RAP1GDS1: variants seen among roughly 807,000 people sequenced by gnomAD.
RAP1GDS1 encodes the protein RAP1, GTP-GDP dissociation stimulator 1.
In RAP1GDS1, 35 loss-of-function variants were observed where a neutral mutation model predicts 71.1. The observed-to-expected ratio is 0.49, with a 90% CI of 0.38 to 0.65. RAP1GDS1 has a LOEUF of 0.65. Ranked by LOEUF, RAP1GDS1 falls within the 30% of genes least tolerant of loss-of-function variation. The pLI, the probability that RAP1GDS1 is intolerant of heterozygous loss-of-function variation, is 0.00. For missense variants in RAP1GDS1, 663 were observed against 706.1 expected, an observed-to-expected ratio of 0.94 and a Z score of 0.69; for synonymous variants, 229 against 243.1, an observed-to-expected ratio of 0.94 and a Z score of 0.54.
chr4:98,295,258 G>C (rs532661331), intron 2 of RAP1GDS1, among the ~76,000 whole-genome samples: 1 of 152,068 alleles, frequency 6.6e-6, no homozygotes, highest in Non-Finnish European at 1.5e-5. Flanking sequence ...GTGAAATTGT[G>C]TATCACAAAA....
chr4:98,338,453 TAAGTC>T (rs1234649908), intron 2 of RAP1GDS1, among the ~76,000 whole-genome samples: 1 of 152,180 alleles, frequency 6.6e-6, no homozygotes, highest in Non-Finnish European at 1.5e-5. Flanking sequence ...AGCATAGGGC[TAAGTC>T]TCTTTGTTAC....
chr4:98,294,603 G>T (rs1051911426), intron 2 of RAP1GDS1, among the ~76,000 whole-genome samples: 1 of 152,070 alleles, frequency 6.6e-6, no homozygotes, highest in Non-Finnish European at 1.5e-5. Flanking sequence ...GAACGTCTAA[G>T]CCTGCTATCC....
At chr4:98,341,335 A>T (rs1423080767) in intron 2 of RAP1GDS1, among the ~76,000 whole-genome samples, 1 of 152,222 alleles carries the variant, frequency 6.6e-6, no homozygotes, top group East Asian at 1.9e-4. Context: ...CTATTCTCCC[A>T]GTTCACTGGA....
intron 3 of RAP1GDS1, among the ~76,000 whole-genome samples, chr4:98,343,694 G>T (rs1735824991): frequency 6.6e-6 from 1 of 152,048 alleles, no homozygotes; most frequent in Non-Finnish European, 1.5e-5. Context: ...AGTATAGTTG[G>T]AATATACGTT....
chr4:98,418,590 A>T, intron 9 of RAP1GDS1, 67 bp from the exon 10 acceptor site: 1 of 1,353,232 alleles, frequency 7.4e-7, no homozygotes, highest in Admixed American at 2.5e-5. Flanking sequence ...ATAGCCAGAC[A>T]TCAGTATTAT....
chr4:98,365,152 T>C (rs1056221362), intron 4 of RAP1GDS1, among the ~76,000 whole-genome samples: 1 of 152,208 alleles, frequency 6.6e-6, no homozygotes, highest in African/African-American at 2.4e-5. Flanking sequence ...ATAAAGGATG[T>C]TCAGATTTGA....
At chr4:98,285,935 A>T (rs1022690587) in intron 1 of RAP1GDS1, among the ~76,000 whole-genome samples, 2 of 148,138 alleles carry the variant, frequency 1.4e-5, no homozygotes, top group Admixed American at 1.4e-4. Flanking sequence ...TTATAAATAT[A>T]TTCATATTTA....
chr4:98,319,076 T>C (rs1361175352), intron 2 of RAP1GDS1, among the ~76,000 whole-genome samples: 1 of 152,206 alleles, frequency 6.6e-6, no homozygotes, highest in African/African-American at 2.4e-5. Context: ...CCTCTGTACA[T>C]TAAGTATGTT....
chr4:98,379,172 A>T lies in RAP1GDS1; in HGVS notation c.508+9A>T. On this transcript the variant is annotated intron_variant, in intron 5 of 14. Transcript: ENST00000408927. ...CTATAGCAATGAGAATGGTAAACAAAACTGAAAACTTGCTTTATCTCTGGG... is the reference window on the plus strand; with the variant it reads ...CTATAGCAATGAGAATGGTAAACAATACTGAAAACTTGCTTTATCTCTGGG... 1.3e-6 allele frequency: 2 copies of T among 1,560,586 alleles called. No individual in the cohort carries two copies. Among genetic ancestry groups the T allele is most frequent in the Non-Finnish European group, 1.7e-6 (2 of 1,158,034 alleles).
At chr4:98,417,000 G>A in intron 8 of RAP1GDS1, 112 bp downstream of exon 8, 1 of 1,184,538 alleles carries the variant, frequency 8.4e-7, no homozygotes, top group Non-Finnish European at 1.2e-6. Flanking sequence ...TATCTCACCT[G>A]CTATTGAGGT....
chr4:98,403,685 G>C (rs1745741858), intron 6 of RAP1GDS1, among the ~76,000 whole-genome samples: 1 of 152,162 alleles, frequency 6.6e-6, no homozygotes, highest in African/African-American at 2.4e-5. Context: ...GATAGCCTCA[G>C]GTGAGAATAA....
At chr4:98,274,274 ACT>A (rs3997407) in intron 1 of RAP1GDS1, among the ~76,000 whole-genome samples, 10,022 of 152,130 alleles carry the variant, frequency 0.066, 365 homozygotes, top group Admixed American at 0.13. Flanking sequence ...TCACAATAAA[ACT>A]CTGTAACCAC....
At chr4:98,435,852 A>AC (rs1554006887) in intron 13 of RAP1GDS1, among the ~76,000 whole-genome samples, 1 of 151,802 alleles carries the variant, frequency 6.6e-6, no homozygotes, top group Non-Finnish European at 1.5e-5. Context: ...CGGGTGGATC[A>AC]TGAGGTCAGG....
intron 10 of RAP1GDS1, 94 bp from the exon 11 acceptor site, chr4:98,419,925 G>A (rs1748571727): frequency 5.9e-6 from 7 of 1,192,646 alleles, no homozygotes; most frequent in Admixed American, 5.7e-5. Context: ...ATAAAACATG[G>A]ATCTTAAAGA....
At chr4:98,411,299 G>C (rs1399380590) in intron 7 of RAP1GDS1, among the ~76,000 whole-genome samples, 2 of 152,170 alleles carry the variant, frequency 1.3e-5, no homozygotes, top group African/African-American at 4.8e-5. Flanking sequence ...ATTGTGAGAA[G>C]AGATTATCTG....
At chr4:98,287,376 TAGGAC>T (rs1452732331) in intron 1 of RAP1GDS1, among the ~76,000 whole-genome samples, 1 of 152,190 alleles carries the variant, frequency 6.6e-6, no homozygotes, top group African/African-American at 2.4e-5. Context: ...GACTCACACA[TAGGAC>T]AGGTTGATTA....
At chr4:98,425,325 A>T (rs995932761) in intron 12 of RAP1GDS1, among the ~76,000 whole-genome samples, 3 of 151,282 alleles carry the variant, frequency 2.0e-5, no homozygotes, top group Non-Finnish European at 4.4e-5. Flanking sequence ...AAATACAATT[A>T]AAAAAAAAGT....
chr4:98,433,951 A>G lies in RAP1GDS1; in HGVS notation c.1456A>G (p.Ile486Val), dbSNP rs201562704. 46 of 1,607,322 alleles carry G rather than the reference A, an allele frequency of 2.9e-5. No individual in the cohort carries two copies. In the Admixed American group the frequency reaches 6.7e-4, roughly 23 times the overall value. Residue 486 changes from isoleucine (I) to valine (V), a missense_variant, in exon 13 of 15, where the codon ATT becomes GTT. Transcript: ENST00000408927. ...HSKSKDVIKTIVQSGGIKHLV... is the reference protein window; with the variant it reads ...HSKSKDVIKTVVQSGGIKHLV... ...TTTATTGTAGGATGTAATTAAAACC[A>G]TTGTGCAGAGTGGTGGCATCAAGCA...
At chr4:98,426,120 A>G (rs540912206) in intron 12 of RAP1GDS1, among the ~76,000 whole-genome samples, 3 of 152,320 alleles carry the variant, frequency 2.0e-5, no homozygotes, top group African/African-American at 7.2e-5. Context: ...CTGCTCCTGA[A>G]TGATCACTGG....
Sources: gnomAD v4.1 joint callset for allele counts (sites outside exome capture counted in the v4.1 genomes callset) on GRCh38, gnomAD v4.1.1 for gene constraint, MANE v1.5 for transcripts, NCBI Gene and HGNC (gene_info 2026-07-23, HGNC 2026-07-21) for gene names.